The following CNTN5 variants were observed in gnomAD, a reference collection of about 807,000 sequenced individuals.
CNTN5 encodes the protein contactin 5.
In CNTN5, 77 loss-of-function variants were observed where a neutral mutation model predicts 129.1. The ratio of observed to expected loss-of-function variants is 0.60; its 90% CI spans 0.50 to 0.72. The LOEUF is 0.72. Ranked by LOEUF, CNTN5 falls within the 30% of genes least tolerant of loss-of-function variation. The probability of loss-of-function intolerance (pLI) is 0.00; values close to 1 mark genes in which losing one functional copy is unlikely to be tolerated. For synonymous variants in CNTN5, 509 were observed against 465.6 expected, an observed-to-expected ratio of 1.09 and a Z score of -1.20; for missense variants, 1,478 against 1,328.8, an observed-to-expected ratio of 1.11 and a Z score of -1.75.
chr11:99,894,739 A>G (rs1949159902), intron 6 of CNTN5, among the ~76,000 whole-genome samples: 1 of 152,180 alleles, frequency 6.6e-6, no homozygotes, highest in South Asian at 2.1e-4. Context: ...TTATGCAGAA[A>G]AACAAGTGCT....
intron 15 of CNTN5, among the ~76,000 whole-genome samples, chr11:100,212,058 C>T (rs1482852255): frequency 6.6e-6 from 1 of 152,088 alleles, no homozygotes; most frequent in African/African-American, 2.4e-5. Context: ...TTGCTAATAT[C>T]CTCATGTATG....
At chr11:100,281,285 T>C (rs1473103424) in intron 18 of CNTN5, among the ~76,000 whole-genome samples, 1 of 152,212 alleles carries the variant, frequency 6.6e-6, no homozygotes, top group African/African-American at 2.4e-5. Flanking sequence ...CTGGTGTTGA[T>C]GAAATCCCTC....
intron 2 of CNTN5, among the ~76,000 whole-genome samples, chr11:99,343,872 G>T (rs1866633973): frequency 6.6e-6 from 1 of 151,856 alleles, no homozygotes; most frequent in Admixed American, 6.6e-5. Flanking sequence ...ATTACATAGA[G>T]TGTGCTAAGT....
At chr11:100,251,742 ACAG>A (rs1479104384) in intron 16 of CNTN5, among the ~76,000 whole-genome samples, 2 of 152,124 alleles carry the variant, frequency 1.3e-5, no homozygotes, top group Non-Finnish European at 2.9e-5. Context: ...GCCACAAATG[ACAG>A]AATTACATTC....
At chr11:100,323,978 AT>A (rs1314585723) in intron 21 of CNTN5, among the ~76,000 whole-genome samples, 1 of 152,180 alleles carries the variant, frequency 6.6e-6, no homozygotes, top group Non-Finnish European at 1.5e-5. Context: ...AAAGATTAAT[AT>A]TCTTCTACCT....
At chr11:99,148,906 C>A (rs919651765) in intron 1 of CNTN5, among the ~76,000 whole-genome samples, 1 of 151,988 alleles carries the variant, frequency 6.6e-6, no homozygotes, top group South Asian at 2.1e-4. Context: ...ATATTCACAA[C>A]TTTCTACTTC....
At chr11:99,897,164 G>A (rs1949228123) in intron 6 of CNTN5, among the ~76,000 whole-genome samples, 1 of 152,038 alleles carries the variant, frequency 6.6e-6, no homozygotes, top group African/African-American at 2.4e-5. Flanking sequence ...ATTATGTAAT[G>A]TAACTAAACC....
intron 15 of CNTN5, among the ~76,000 whole-genome samples, chr11:100,216,217 C>T (rs1238537233): frequency 6.6e-6 from 1 of 152,046 alleles, no homozygotes; most frequent in Admixed American, 6.6e-5. Context: ...AGTTAGAAAA[C>T]CTACAGGCAG....
intron 1 of CNTN5, among the ~76,000 whole-genome samples, chr11:99,096,248 C>T (rs1452888397): frequency 6.6e-6 from 1 of 151,626 alleles, no homozygotes. Context: ...GTAAAAATGC[C>T]TAATTTAGGA....
chr11:99,683,331 A>G (rs988490973), intron 3 of CNTN5, among the ~76,000 whole-genome samples: 1 of 151,860 alleles, frequency 6.6e-6, no homozygotes, highest in Non-Finnish European at 1.5e-5. Flanking sequence ...TGAGGTAGGA[A>G]TTAAGTTTTA....
intron 3 of CNTN5, among the ~76,000 whole-genome samples, chr11:99,737,460 T>C (rs538189694): frequency 2.3e-4 from 35 of 152,282 alleles, no homozygotes; most frequent in Non-Finnish European, 7.4e-5. Context: ...CCAGGTAGTT[T>C]GAAAAAGTGG....
intron 1 of CNTN5, among the ~76,000 whole-genome samples, chr11:99,159,802 G>GAA (rs1239580357): frequency 6.6e-6 from 1 of 152,028 alleles, no homozygotes; most frequent in Non-Finnish European, 1.5e-5. Flanking sequence ...GAAAATATAG[G>GAA]AGAAGTACGT....
intron 3 of CNTN5, among the ~76,000 whole-genome samples, chr11:99,636,505 T>C (rs547119660): frequency 8.5e-5 from 13 of 152,196 alleles, no homozygotes; most frequent in Admixed American, 2.0e-4. Flanking sequence ...ACCTTTCTTT[T>C]CCTTTTCCTC....
intron 2 of CNTN5, among the ~76,000 whole-genome samples, chr11:99,389,442 C>T (rs1034568003): frequency 6.6e-6 from 1 of 152,164 alleles, no homozygotes; most frequent in Non-Finnish European, 1.5e-5. Flanking sequence ...TAATCAGGTT[C>T]ACATAATAGC....
chr11:99,196,552 A>G (rs1272716112), intron 1 of CNTN5, among the ~76,000 whole-genome samples: 1 of 151,958 alleles, frequency 6.6e-6, no homozygotes, highest in Non-Finnish European at 1.5e-5. Flanking sequence ...CAGTTGTACA[A>G]GCAAAATTTG....
intron 1 of CNTN5, among the ~76,000 whole-genome samples, chr11:99,282,206 C>A (rs1186413909): frequency 6.6e-6 from 1 of 151,856 alleles, no homozygotes; most frequent in Non-Finnish European, 1.5e-5. Context: ...GTGTTGAAAA[C>A]AAACAAGAAC....
intron 1 of CNTN5, among the ~76,000 whole-genome samples, chr11:99,063,589 C>T (rs1365849387): frequency 6.6e-6 from 1 of 151,796 alleles, no homozygotes; most frequent in Non-Finnish European, 1.5e-5. Flanking sequence ...TGTACAGAAA[C>T]ATTTTAGGAA....
intron 2 of CNTN5, among the ~76,000 whole-genome samples, chr11:99,492,525 G>A (rs79528209): frequency 0.019 from 2,878 of 152,152 alleles, 104 homozygotes; most frequent in African/African-American, 0.065. Context: ...AAGGTGATTA[G>A]TGCTATAGCG....
chr11:99,842,058 G>A (rs1054441794), intron 4 of CNTN5, among the ~76,000 whole-genome samples: 1 of 151,714 alleles, frequency 6.6e-6, no homozygotes, highest in African/African-American at 2.4e-5. Flanking sequence ...ACCACGCCCA[G>A]CTAATTTTGT....
Sources: gnomAD v4.1 joint callset for allele counts (sites outside exome capture counted in the v4.1 genomes callset) on GRCh38, gnomAD v4.1.1 for gene constraint, MANE v1.5 for transcripts, NCBI Gene and HGNC (gene_info 2026-07-23, HGNC 2026-07-21) for gene names.